The following ZNF551 variants were observed in gnomAD, a reference collection of about 807,000 sequenced individuals.
The protein encoded by ZNF551 is KOX 23 protein (56 AA).
A neutral mutation model predicts 7.9 loss-of-function variants in ZNF551; 5 were observed. The ratio of observed to expected loss-of-function variants is 0.63; its 90% CI spans 0.33 to 1.33. The LOEUF (loss-of-function observed/expected upper bound fraction) is 1.33. Ranked by LOEUF, ZNF551 falls within the 40% of genes most tolerant of loss-of-function variation. The pLI is 0.05. For missense variants in ZNF551, 788 were observed against 825.2 expected (o/e 0.95, Z 0.55); for synonymous variants, 287 against 277.3 (o/e 1.03, Z -0.35).
Position 57,687,773 on chromosome 19 carries a change from G to GAA in ZNF551, c.1500_1501dup (p.Arg501LysfsTer184). 1 of 1,614,238 alleles carries GAA rather than the reference G, an allele frequency of 6.2e-7. No individual in the cohort carries two copies. The highest frequency in any genetic ancestry group is 8.5e-7 in the Non-Finnish European group (1 of 1,180,048). ...TCAACACCAAAGAGTTCACACTGGA[G>GAA]AAAGACCTTATGAATGCAGTGAATG... On this transcript the variant is annotated frameshift_variant, in exon 3 of 3. Coordinates refer to ENST00000282296, the MANE Select transcript of ZNF551 (RefSeq NM_138347.5). LOFTEE classifies it low-confidence loss of function (END_TRUNC).
In ZNF551 at chr19:57,685,296, C is replaced by T. The variant is rs1984519824; in HGVS notation, c.116C>T (p.Ser39Phe). The T allele has an allele frequency of 6.2e-7, 1 of 1,613,948 alleles. No homozygotes were observed. The highest frequency in any genetic ancestry group is 1.1e-5 in the South Asian group (1 of 91,086). Reference sequence around the variant, plus strand: ...TTTGAGGATGTGGCCATTTATTTCTCCCAAGAAGAGTGGGAGCTCCTTGAT... The same window carrying T: ...TTTGAGGATGTGGCCATTTATTTCTTCCAAGAAGAGTGGGAGCTCCTTGAT... ...MTFEDVAIYF[S>F]QEEWELLDES... The change falls in exon 2 of 3, where the codon TCC (serine) becomes TTC (phenylalanine). Residue 39 changes from serine to phenylalanine, a missense_variant. Coordinates refer to ENST00000282296, the MANE Select transcript of ZNF551 (RefSeq NM_138347.5).
At chr19:57,686,122 C>G (rs559844724) in intron 2 of ZNF551, among the ~76,000 whole-genome samples, 10 of 152,308 alleles carry the variant, frequency 6.6e-5, no homozygotes, top group African/African-American at 2.4e-4. Context: ...AATAGTCCTC[C>G]TTGATCACCA....
rs892452273 is a variant in ZNF551, at chr19:57,689,178, T to A, written c.*890T>A. 3 of 152,178 alleles carry A rather than the reference T, an allele frequency of 2.0e-5. No homozygotes were observed. Among genetic ancestry groups the A allele is most frequent in the African/African-American group, 7.2e-5 (3 of 41,424 alleles). The allele number at this position is 152,178 out of a possible 1,614,324, so 9.4% of individuals were successfully genotyped here. A position where few individuals can be genotyped will look rare whatever the true frequency, so the allele number is the denominator to read the frequency against. The stretch of plus-strand genomic sequence containing the variant: ...CCCAGTGCTTCTGTGAACGTGAATT[T>A]TGTTCAGTTGTCCACAGGAGATCCA... On this transcript the variant is annotated 3_prime_UTR_variant, in exon 3 of 3. Transcript: ENST00000282296.
chr19:57,681,989 G>A lies in ZNF551; in HGVS notation c.-175G>A. On this transcript the variant is annotated 5_prime_UTR_variant, in exon 1 of 3. Coordinates refer to ENST00000282296, the MANE Select transcript of ZNF551 (RefSeq NM_138347.5). ...AGCGCGACGGGCCGGAACTTCCGGC[G>A]TCCTCCTCGTGGCGGTCATTTTGGC... is the stretch of plus-strand genomic sequence containing the variant. The A allele has an allele frequency of 1.5e-6, 1 of 646,828 alleles. No individual in the cohort carries two copies. Among genetic ancestry groups the A allele is most frequent in the Non-Finnish European group, 2.6e-6 (1 of 388,108 alleles). The allele number at this position is 646,828 out of a possible 1,614,324, so 40.1% of individuals were successfully genotyped here.
In ZNF551 at chr19:57,689,185, G is replaced by T. The variant is rs1338988551; in HGVS notation, c.*897G>T. 1 of 152,186 alleles carries T rather than the reference G, an allele frequency of 6.6e-6. No homozygotes were observed. Among genetic ancestry groups the T allele is most frequent in the Non-Finnish European group, 1.5e-5 (1 of 68,038 alleles). The allele number at this position is 152,186 out of a possible 1,614,324, so 9.4% of individuals were successfully genotyped here. On this transcript the variant is annotated 3_prime_UTR_variant, in exon 3 of 3. Transcript: ENST00000282296. ...CTTCTGTGAACGTGAATTTTGTTCA[G>T]TTGTCCACAGGAGATCCACATAATT...
rs1027167351 is a variant in ZNF551 at position 57,689,632 on chromosome 19, C to A, written c.*1344C>A. 1 of 152,112 alleles carries A rather than the reference C, an allele frequency of 6.6e-6. No homozygotes were observed. The highest frequency in any genetic ancestry group is 2.4e-5 in the African/African-American group (1 of 41,392). The allele number at this position is 152,112 out of a possible 1,614,324, so 9.4% of individuals were successfully genotyped here. Reference sequence around the variant, plus strand: ...TGGGCAACATGGTGAAATCCCATGTCTACTAAAATACAAAAAATTAGCCAG... The same window carrying A: ...TGGGCAACATGGTGAAATCCCATGTATACTAAAATACAAAAAATTAGCCAG... On this transcript the variant is annotated 3_prime_UTR_variant, in exon 3 of 3. Coordinates refer to ENST00000282296, the MANE Select transcript of ZNF551 (RefSeq NM_138347.5).
At position 57,687,853 on chromosome 19, in the gene ZNF551, T is replaced by G; in HGVS notation, c.1578T>G (p.Thr526=). The part of the protein sequence containing the change: ...SDLIQHRRIH[T]GTRPYECSEC... ...TCATTCAACACCGGAGAATTCATAC[T>G]GGCACAAGACCTTATGAGTGCAGTG... is the stretch of plus-strand genomic sequence containing the variant. Residue 526 remains threonine (T), a synonymous_variant, in exon 3 of 3, where the codon ACT becomes ACG. Coordinates refer to ENST00000282296, the MANE Select transcript of ZNF551 (RefSeq NM_138347.5). 1 of 1,614,188 alleles carries G rather than the reference T, an allele frequency of 6.2e-7. No homozygotes were observed. Among genetic ancestry groups the G allele is most frequent in the Non-Finnish European group, 8.5e-7 (1 of 1,180,032 alleles).
At chr19:57,683,179 G>A (rs1984445996) in intron 1 of ZNF551, among the ~76,000 whole-genome samples, 1 of 152,196 alleles carries the variant, frequency 6.6e-6, no homozygotes, top group East Asian at 1.9e-4. Flanking sequence ...TGAAGGATGA[G>A]GTGGGGAGAC....
rs144620866 is a variant in ZNF551, at chr19:57,687,213, A to C, written c.938A>C (p.Glu313Ala). The C allele has an allele frequency of 1.1e-5, 17 of 1,613,482 alleles. No homozygotes were observed. Among genetic ancestry groups the C allele is most frequent in the Non-Finnish European group, 1.3e-5 (15 of 1,179,832 alleles). ...GERPYECSDR[E>A]KAFIHKSEFI... ...AGGCCTTATGAATGCAGTGATCGTG[A>C]GAAAGCCTTTATCCATAAATCTGAA... The change falls in exon 3 of 3, where the codon GAG becomes GCG. Residue 313 changes from glutamate (E) to alanine (A), a missense_variant. Transcript: ENST00000282296.
chr19:57,687,210 G>T lies in ZNF551; in HGVS notation c.935G>T (p.Arg312Leu). 1.2e-6 allele frequency: 2 copies of T among 1,614,190 alleles called. No individual in the cohort carries two copies. Among genetic ancestry groups the T allele is most frequent in the Non-Finnish European group, 1.7e-6 (2 of 1,180,030 alleles). The change falls in exon 3 of 3, where the codon CGT becomes CTT. Residue 312 changes from arginine (R) to leucine (L), a missense_variant. By Grantham distance (102) the Arg-to-Leu change is moderately radical. Transcript: ENST00000282296. ...TGERPYECSD[R>L]EKAFIHKSEF... Reference sequence around the variant, plus strand: ...GAAAGGCCTTATGAATGCAGTGATCGTGAGAAAGCCTTTATCCATAAATCT... The same window carrying T: ...GAAAGGCCTTATGAATGCAGTGATCTTGAGAAAGCCTTTATCCATAAATCT...
chr19:57,682,895 G>A (rs1468201284), intron 1 of ZNF551, among the ~76,000 whole-genome samples: 1 of 152,164 alleles, frequency 6.6e-6, no homozygotes, highest in Admixed American at 6.5e-5. Flanking sequence ...GTTGGCAGCC[G>A]GGGGAAAGGA....
In ZNF551 at chr19:57,687,337, G is replaced by T; in HGVS notation, c.1062G>T (p.Gln354His). ...FSYKSNLIEH[Q>H]RVHTGERPYE... is the part of the protein sequence containing the mutation. ...ACAAATCTAACCTCATTGAACACCAGAGAGTTCACACTGGAGAAAGGCCTT... is the reference window on the plus strand; with the variant it reads ...ACAAATCTAACCTCATTGAACACCATAGAGTTCACACTGGAGAAAGGCCTT... The change falls in exon 3 of 3, where the codon CAG (glutamine) becomes CAT (histidine). Residue 354 changes from glutamine to histidine, a missense_variant. Gln to His is a conservative substitution (Grantham distance 24, BLOSUM62 0). Coordinates refer to ENST00000282296, the MANE Select transcript of ZNF551 (RefSeq NM_138347.5). 6.2e-7 allele frequency: 1 copy of T among 1,614,206 alleles called. No homozygotes were observed. The highest frequency in any genetic ancestry group is 8.5e-7 in the Non-Finnish European group (1 of 1,180,038).
Position 57,687,202 on chromosome 19 carries a change from C to A in ZNF551, c.927C>A (p.Cys309Ter), listed in dbSNP as rs769105710. ...ACACTGGAGAAAGGCCTTATGAATGCAGTGATCGTGAGAAAGCCTTTATCC... is the reference window on the plus strand; with the variant it reads ...ACACTGGAGAAAGGCCTTATGAATGAAGTGATCGTGAGAAAGCCTTTATCC... ...IIHTGERPYE[C>*]SDREKAFIHK... The change falls in exon 3 of 3, where the codon TGC (cysteine) becomes TGA (stop). Residue 309 changes from cysteine to a stop codon, truncating the protein, a stop_gained. Transcript: ENST00000282296. LOFTEE classifies it low-confidence loss of function (END_TRUNC). The A allele has an allele frequency of 1.1e-5, 18 of 1,614,056 alleles. No homozygotes were observed. The highest frequency in any genetic ancestry group is 1.4e-5 in the Non-Finnish European group (17 of 1,180,024).
In ZNF551 at chr19:57,688,699, C is replaced by CT. The variant is rs1984670000; in HGVS notation, c.*412dup. The CT allele has an allele frequency of 1.2e-5, 2 of 172,460 alleles. No homozygotes were observed. Among genetic ancestry groups the CT allele is most frequent in the African/African-American group, 4.8e-5 (2 of 42,050 alleles). The allele number at this position is 172,460 out of a possible 1,614,324, so 10.7% of individuals were successfully genotyped here. On this transcript the variant is annotated 3_prime_UTR_variant, in exon 3 of 3. Transcript: ENST00000282296. ...CTGACCCAGTTGTGGTCCAGAGAAT[C>CT]TGAGTTGTGCTGTCAGCTTTCTAAG...
At chr19:57,682,801 C>T (rs1257735687) in intron 1 of ZNF551, among the ~76,000 whole-genome samples, 1 of 152,182 alleles carries the variant, frequency 6.6e-6, no homozygotes, top group Non-Finnish European at 1.5e-5. Context: ...ACCTGAGCCT[C>T]GCCACTCGTC....
Position 57,686,487 on chromosome 19 carries a change from G to A in ZNF551, c.212G>A (p.Cys71Tyr). ...NFAHVTSLGY[C>Y]HGMENEAIAS... ...AGCATTTCTCTGCTTTCAGGTTATTGCCATGGAATGGAGAATGAGGCGATA... is the reference window on the plus strand; with the variant it reads ...AGCATTTCTCTGCTTTCAGGTTATTACCATGGAATGGAGAATGAGGCGATA... The change falls in exon 3 of 3, where the codon TGC becomes TAC. Residue 71 changes from cysteine (C) to tyrosine (Y), a missense_variant. By Grantham distance (194) the Cys-to-Tyr change is radical. Coordinates refer to ENST00000282296, the MANE Select transcript of ZNF551 (RefSeq NM_138347.5). 6.2e-7 allele frequency: 1 copy of A among 1,601,820 alleles called. No homozygotes were observed. Among genetic ancestry groups the A allele is most frequent in the Non-Finnish European group, 8.5e-7 (1 of 1,169,952 alleles).
intron 2 of ZNF551, 103 bp from the exon 3 acceptor site, chr19:57,686,378 C>A: frequency 6.8e-7 from 1 of 1,479,502 alleles, no homozygotes; most frequent in Non-Finnish European, 9.1e-7. Context: ...GTTCTCAGAA[C>A]AGTTCCATGC....
chr19:57,686,330 C>T (rs891966001), intron 2 of ZNF551, 151 bp from the exon 3 acceptor site: 4 of 1,024,610 alleles, frequency 3.9e-6, no homozygotes, highest in Non-Finnish European at 2.8e-6. Flanking sequence ...TTAAAAAACC[C>T]AGTACTTCAA....
At position 57,687,194 on chromosome 19, in the gene ZNF551, T is replaced by G. The variant is rs1409337969; in HGVS notation, c.919T>G (p.Tyr307Asp). Residue 307 changes from tyrosine (Y) to aspartate (D), a missense_variant, in exon 3 of 3, where the codon TAT becomes GAT. Transcript: ENST00000282296. ...GATAATTCACACTGGAGAAAGGCCT[T>G]ATGAATGCAGTGATCGTGAGAAAGC... Reference protein sequence around the residue: ...HKIIHTGERPYECSDREKAFI... With the variant: ...HKIIHTGERPDECSDREKAFI... 6.2e-7 allele frequency: 1 copy of G among 1,614,106 alleles called. No homozygotes were observed. Among genetic ancestry groups the G allele is most frequent in the Non-Finnish European group, 8.5e-7 (1 of 1,180,054 alleles).
Sources: gnomAD v4.1 joint callset for allele counts (sites outside exome capture counted in the v4.1 genomes callset) on GRCh38, gnomAD v4.1.1 for gene constraint, MANE v1.5 for transcripts, NCBI Gene and HGNC (gene_info 2026-07-23, HGNC 2026-07-21) for gene names.